Variants in MBOAT2 observed in about 807,000 individuals in gnomAD.
MBOAT2 encodes the protein membrane bound glycerophospholipid O-acyltransferase 2.
A neutral mutation model predicts 63.4 loss-of-function variants in MBOAT2; 28 were observed. The ratio of observed to expected loss-of-function variants is 0.44; its 90% CI spans 0.33 to 0.61. MBOAT2 has a LOEUF of 0.61. Ranked by LOEUF, MBOAT2 falls within the 20% of genes least tolerant of loss-of-function variation. The probability of loss-of-function intolerance (pLI) is 0.03; values close to 1 mark genes in which losing one functional copy is unlikely to be tolerated. For missense variants in MBOAT2, 470 were observed against 605.8 expected (o/e 0.78, Z 2.35); for synonymous variants, 211 against 215.6 (o/e 0.98, Z 0.19).
chr2:8,978,877 G>A (rs1391212775), intron 1 of MBOAT2, among the ~76,000 whole-genome samples: 2 of 151,920 alleles, frequency 1.3e-5, no homozygotes, highest in African/African-American at 4.8e-5. Context: ...GGTGGGGGGA[G>A]GCAGGGGTCT....
At chr2:8,973,422 G>A (rs1490954734) in intron 1 of MBOAT2, among the ~76,000 whole-genome samples, 3 of 151,778 alleles carry the variant, frequency 2.0e-5, no homozygotes, top group African/African-American at 7.3e-5. Context: ...TAATGTAAAT[G>A]CCGAGTTAAT....
intron 3 of MBOAT2, among the ~76,000 whole-genome samples, chr2:8,914,981 C>A (rs1489483850): frequency 1.4e-5 from 2 of 140,602 alleles, no homozygotes; most frequent in African/African-American, 5.4e-5. Flanking sequence ...TGCTGTCACC[C>A]AGGCTGCAGT....
At chr2:8,891,450 C>T (rs889100440) in intron 4 of MBOAT2, among the ~76,000 whole-genome samples, 6 of 152,128 alleles carry the variant, frequency 3.9e-5, no homozygotes, top group Non-Finnish European at 8.8e-5. Context: ...GCAGCAGGAA[C>T]GACTGTGCAG....
chr2:8,961,187 T>G (rs147130023), intron 1 of MBOAT2, among the ~76,000 whole-genome samples: 2 of 152,146 alleles, frequency 1.3e-5, no homozygotes, highest in African/African-American at 4.8e-5. Context: ...TTTACAAATA[T>G]CAATGTCCAA....
chr2:8,857,097 C>A lies in MBOAT2; in HGVS notation c.*1582G>T, dbSNP rs542488351. 2.6e-5 allele frequency: 4 copies of A among 152,666 alleles called. No individual in the cohort carries two copies. The East Asian group carries it at 7.7e-4, about 29-fold the overall frequency. 9.5% of individuals were successfully genotyped at this position (152,666 alleles called of 1,614,324 possible). The stretch of plus-strand genomic sequence containing the variant: ...TTATATAGCATAAGCCAGATGGTTG[C>A]CTTGTCTTTAACTTCATTTGCAAAT... On this transcript the variant is annotated 3_prime_UTR_variant, in exon 13 of 13. Coordinates refer to ENST00000305997, the MANE Select transcript of MBOAT2 (RefSeq NM_138799.4).
At chr2:8,873,383 C>A in intron 7 of MBOAT2, 83 bp from the exon 8 acceptor site, 1 of 1,354,548 alleles carries the variant, frequency 7.4e-7, no homozygotes, top group Non-Finnish European at 1.0e-6. Context: ...GATTAATCTT[C>A]CTGAATGGAT....
chr2:8,979,928 T>C (rs1415406627), intron 1 of MBOAT2, among the ~76,000 whole-genome samples: 1 of 152,106 alleles, frequency 6.6e-6, no homozygotes, highest in Non-Finnish European at 1.5e-5. Flanking sequence ...AAGCCGCAGA[T>C]GGAAAACCAT....
Position 8,888,002 on chromosome 2 carries a change from AT to A in MBOAT2, c.451+15del, listed in dbSNP as rs1377598254. The A allele has an allele frequency of 1.2e-6, 2 of 1,608,662 alleles. No homozygotes were observed. The highest frequency in any genetic ancestry group is 2.2e-5 in the South Asian group (2 of 90,718). The stretch of plus-strand genomic sequence containing the variant: ...TAAATTTTTTCAGCAATAAAAATTA[AT>A]TTCAGAATTCTTACCATCATGAATT... On this transcript the variant is annotated intron_variant, in intron 5 of 12. Coordinates refer to ENST00000305997, the MANE Select transcript of MBOAT2 (RefSeq NM_138799.4).
rs756373257 is a variant in MBOAT2 at position 8,877,212 on chromosome 2, G to A, written c.508C>T (p.Arg170Cys). The change falls in exon 7 of 13, where the codon CGC becomes TGC. Residue 170 changes from arginine to cysteine, a missense_variant and splice_region_variant. Around this residue, in one of 3 missense-constraint regions of MBOAT2, gnomAD observed 376 missense variants for 503.8 expected, o/e 0.75. Coordinates refer to ENST00000305997, the MANE Select transcript of MBOAT2 (RefSeq NM_138799.4). The part of the protein sequence containing the change: ...TSSQRDLAVR[R>C]MPSLLEYLSY... ...AAATACTCCAGTAAGCTTGGCATGC[G>A]CCTGCAATGAAAAGACATGCAACCA... is the stretch of plus-strand genomic sequence containing the variant. 24 of 1,607,988 alleles carry A rather than the reference G, an allele frequency of 1.5e-5. No homozygotes were observed. Among genetic ancestry groups the A allele is most frequent in the East Asian group, 4.5e-5 (2 of 44,738 alleles).
At position 8,853,668 on chromosome 2, in the gene MBOAT2, G is replaced by A. The variant is rs1043426694; in HGVS notation, c.*5011C>T. 1 of 152,190 alleles carries A rather than the reference G, an allele frequency of 6.6e-6. No homozygotes were observed. 9.4% of individuals were successfully genotyped at this position (152,190 alleles called of 1,614,324 possible). Reference sequence around the variant, plus strand: ...TGTGTGATTTGATAAAACATGGCTGGAGATGGCTATGAATCGCTGAGTAAG... The same window carrying A: ...TGTGTGATTTGATAAAACATGGCTGAAGATGGCTATGAATCGCTGAGTAAG... On this transcript the variant is annotated 3_prime_UTR_variant, in exon 13 of 13. Coordinates refer to ENST00000305997, the MANE Select transcript of MBOAT2 (RefSeq NM_138799.4).
At chr2:8,929,759 C>T (rs911835208) in intron 3 of MBOAT2, among the ~76,000 whole-genome samples, 1 of 152,080 alleles carries the variant, frequency 6.6e-6, no homozygotes. Context: ...ACTGCTGGGT[C>T]AAATGGTTAT....
At chr2:8,946,980 C>T (rs563745346) in intron 2 of MBOAT2, among the ~76,000 whole-genome samples, 21 of 152,312 alleles carry the variant, frequency 1.4e-4, no homozygotes, top group Non-Finnish European at 4.4e-5. Context: ...AGCTTAGTGA[C>T]GATGGTATGT....
Position 8,862,529 on chromosome 2 carries a change from T to C in MBOAT2, c.1185+61A>G. 1 of 1,554,836 alleles carries C rather than the reference T, an allele frequency of 6.4e-7. No homozygotes were observed. The highest frequency in any genetic ancestry group is 8.7e-7 in the Non-Finnish European group (1 of 1,146,012). ...GGTCTACCTTGTAAGAGAGATGTAC[T>C]CAGCCTTTTTAACAGTTCAAGTGGA... On this transcript the variant is annotated intron_variant, in intron 11 of 12. Coordinates refer to ENST00000305997, the MANE Select transcript of MBOAT2 (RefSeq NM_138799.4). This position sits in a 1 kb window ranked among gnomAD's most constrained non-coding sequence, Gnocchi z 4.3.
At chr2:8,899,450 T>C (rs531172399) in intron 4 of MBOAT2, among the ~76,000 whole-genome samples, 2 of 152,292 alleles carry the variant, frequency 1.3e-5, no homozygotes, top group Middle Eastern at 6.8e-3. Flanking sequence ...GCCGCGCCAG[T>C]GTCCAGGAGG....
intron 1 of MBOAT2, among the ~76,000 whole-genome samples, chr2:8,995,661 G>T (rs1290631447): frequency 6.7e-6 from 1 of 149,864 alleles, no homozygotes; most frequent in Non-Finnish European, 1.5e-5. Flanking sequence ...CACGATCTTG[G>T]CTCACTGCAA....
intron 1 of MBOAT2, chr2:8,974,422 A>C (rs1449721777): frequency 2.2e-6 from 1 of 456,566 alleles, no homozygotes; most frequent in Non-Finnish European, 4.4e-6. Context: ...CCCGGGAATC[A>C]TGTGGCGGGC....
chr2:8,872,739 T>TAA (rs1662417526), intron 8 of MBOAT2, among the ~76,000 whole-genome samples: 1 of 152,230 alleles, frequency 6.6e-6, no homozygotes, highest in Non-Finnish European at 1.5e-5. Context: ...ATGGTCTATT[T>TAA]AACAGGTATC....
rs1337734927 is a variant in MBOAT2 at position 8,958,769 on chromosome 2, C to A, written c.76-127G>T. On this transcript the variant is annotated intron_variant, in intron 1 of 12. Coordinates refer to ENST00000305997, the MANE Select transcript of MBOAT2 (RefSeq NM_138799.4). ...AAATTGACCTTCCAAGTTAACAAAA[C>A]AAAAACAAAAATTGAGGGAAATCCC... is the stretch of plus-strand genomic sequence containing the variant. 4 of 947,426 alleles carry A rather than the reference C, an allele frequency of 4.2e-6. No individual in the cohort carries two copies. In the African/African-American group the frequency reaches 6.7e-5, roughly 16 times the overall value. 58.7% of individuals were successfully genotyped at this position (947,426 alleles called of 1,614,324 possible).
intron 1 of MBOAT2, among the ~76,000 whole-genome samples, chr2:8,973,709 C>T (rs1239051147): frequency 6.6e-6 from 1 of 152,020 alleles, no homozygotes; most frequent in African/African-American, 2.4e-5. Flanking sequence ...ACAAATGATT[C>T]ATTCCTAAGA....
Sources: gnomAD v4.1 joint callset for allele counts (sites outside exome capture counted in the v4.1 genomes callset) on GRCh38, gnomAD v4.1.1 for gene constraint, gnomAD v4.1.1 regional missense constraint, Gnocchi (gnomAD v3.1) non-coding constraint, MANE v1.5 for transcripts, NCBI Gene and HGNC (gene_info 2026-07-23, HGNC 2026-07-21) for gene names.